Variants in SYDE2 observed in about 807,000 individuals in gnomAD.
SYDE2 encodes the protein rho GTPase-activating protein SYDE2.
SYDE2 carries 76 observed loss-of-function variants against 91.5 expected under a neutral mutation model. That is an observed-to-expected ratio of 0.83 (90% CI 0.69 to 1.01). The LOEUF is 1.01. SYDE2 is among the 50% of genes least tolerant of loss of function. SYDE2 has a pLI of 0.00. For missense variants in SYDE2, 1,364 were observed against 1,367.7 expected (o/e 1.00, Z 0.04); for synonymous variants, 513 against 506.4 (o/e 1.01, Z -0.18).
At chr1:85,171,510 T>C (rs1163985138) in intron 4 of SYDE2, among the ~76,000 whole-genome samples, 3 of 152,096 alleles carry the variant, frequency 2.0e-5, no homozygotes, top group Admixed American at 6.5e-5. Context: ...TAGATAAGAA[T>C]AGTGTTAAAT....
intron 6 of SYDE2, chr1:85,160,678 A>G: frequency 1.0e-6 from 1 of 985,126 alleles, no homozygotes; most frequent in Non-Finnish European, 1.2e-6. Flanking sequence ...TCTTTGTGCT[A>G]TTCCTTTTCT....
intron 2 of SYDE2, among the ~76,000 whole-genome samples, chr1:85,184,525 A>G (rs1395506189): frequency 6.6e-6 from 1 of 152,188 alleles, no homozygotes; most frequent in Non-Finnish European, 1.5e-5. Flanking sequence ...TAACAATGCA[A>G]GATGAAGATA....
At chr1:85,159,921 C>T (rs1571222406) in intron 6 of SYDE2, 9 of 984,140 alleles carry the variant, frequency 9.1e-6, no homozygotes, top group Non-Finnish European at 8.4e-6. Context: ...ATTTAACAAT[C>T]CCAAATAACA....
chr1:85,187,169 GAAA>G (rs1198589982), intron 2 of SYDE2, among the ~76,000 whole-genome samples: 1 of 151,878 alleles, frequency 6.6e-6, no homozygotes, highest in African/African-American at 2.4e-5. Flanking sequence ...AAATTTACAA[GAAA>G]AAAACAAACA....
chr1:85,182,878 A>G lies in SYDE2; in HGVS notation c.1764T>C (p.Val588=). 1 of 1,613,720 alleles carries G rather than the reference A, an allele frequency of 6.2e-7. No homozygotes were observed. Among genetic ancestry groups the G allele is most frequent in the Non-Finnish European group, 8.5e-7 (1 of 1,179,794 alleles). The part of the protein sequence containing the change: ...GNTTTAAKRN[V]ISRYHLDTSV... ...TGGTATCAAGATGGTATCGGCTTAT[A>G]ACATTCCTCTTAGCAGCGGTGGTTG... Residue 588 remains valine, a synonymous_variant, in exon 3 of 7, where the codon GTT becomes GTC. Coordinates refer to ENST00000341460, the MANE Select transcript of SYDE2 (RefSeq NM_032184.2).
At chr1:85,177,167 T>C (rs569232157) in intron 4 of SYDE2, among the ~76,000 whole-genome samples, 2 of 152,250 alleles carry the variant, frequency 1.3e-5, no homozygotes, top group Non-Finnish European at 2.9e-5. Flanking sequence ...CCCCCAAAGT[T>C]CTTTCTTTTC....
chr1:85,193,537 G>A (rs561487589), intron 1 of SYDE2, among the ~76,000 whole-genome samples: 1 of 152,158 alleles, frequency 6.6e-6, no homozygotes, highest in African/African-American at 2.4e-5. Flanking sequence ...AGGAACTACA[G>A]TGAGAAAAAT....
Position 85,200,957 on chromosome 1 carries a change from C to A in SYDE2, c.40G>T (p.Gly14Cys). 3 of 1,293,992 alleles carry A rather than the reference C, an allele frequency of 2.3e-6. No homozygotes were observed. Among genetic ancestry groups the A allele is most frequent in the Non-Finnish European group, 2.9e-6 (3 of 1,028,916 alleles). 80.2% of individuals were successfully genotyped at this position (1,293,992 alleles called of 1,614,324 possible). A position where few individuals can be genotyped will look rare whatever the true frequency, so the allele number is the denominator to read the frequency against. ...LPPDSGARRGGRGLADHSFPA... is the reference protein window; with the variant it reads ...LPPDSGARRGCRGLADHSFPA... ...AAGCTGTGATCCGCCAAGCCCCTGC[C>A]GCCCCGCCGCGCGCCCGAGTCAGGG... The change falls in exon 1 of 7, where the codon GGC (glycine) becomes TGC (cysteine). Residue 14 changes from glycine to cysteine, a missense_variant. By Grantham distance (159) the Gly-to-Cys change is radical. Transcript: ENST00000341460.
chr1:85,196,839 G>C lies in SYDE2; in HGVS notation c.745+3413C>G, dbSNP rs1489793730. On this transcript the variant is annotated intron_variant, in intron 1 of 6. Transcript: ENST00000341460. ...AAAAGTAGATGGGAATCAAGTCATA[G>C]TGTCAACTTCACTTTAAGATGGTTA... Among the ~76,000 whole-genome samples, 4 of 152,290 alleles carry C rather than the reference G, an allele frequency of 2.6e-5. No homozygotes were observed. The East Asian group carries it at 5.8e-4, about 22-fold the overall frequency.
chr1:85,186,110 G>A (rs1306886875), intron 2 of SYDE2, among the ~76,000 whole-genome samples: 18 of 151,872 alleles, frequency 1.2e-4, no homozygotes, highest in African/African-American at 1.7e-4. Context: ...ATTGATTTGC[G>A]TATATTGAAC....
chr1:85,184,075 A>G (rs904770987), intron 2 of SYDE2, among the ~76,000 whole-genome samples: 1 of 152,210 alleles, frequency 6.6e-6, no homozygotes, highest in Non-Finnish European at 1.5e-5. Flanking sequence ...AAATTAAACT[A>G]CAACTATACT....
rs1220642750 is a variant in SYDE2, at chr1:85,177,719, CT to C, written c.2671+426del. ...ACATAGAGTTGCCAGATTAATATTC[CT>C]GAAAATAATCTCTATGATATCACTC... is the stretch of plus-strand genomic sequence containing the variant. On this transcript the variant is annotated intron_variant, in intron 4 of 6. Coordinates refer to ENST00000341460, the MANE Select transcript of SYDE2 (RefSeq NM_032184.2). Among the ~76,000 whole-genome samples, 5 of 152,222 alleles carry C rather than the reference CT, an allele frequency of 3.3e-5. No individual in the cohort carries two copies. The East Asian group carries it at 7.7e-4, about 23-fold the overall frequency.
intron 6 of SYDE2, chr1:85,160,162 C>T (rs1657008451): frequency 3.0e-6 from 3 of 985,172 alleles, no homozygotes; most frequent in Middle Eastern, 5.2e-4. Flanking sequence ...GTGCCCCTTC[C>T]TATTTCCCTG....
intron 3 of SYDE2, among the ~76,000 whole-genome samples, chr1:85,178,821 T>G (rs895967348): frequency 6.7e-6 from 1 of 148,516 alleles, no homozygotes; most frequent in Non-Finnish European, 1.5e-5. Context: ...ACCTAGGGTG[T>G]TTTTTTTTTA....
chr1:85,155,767 GAATA>G (rs1221463121), downstream of SYDE2, among the ~76,000 whole-genome samples: 16 of 152,110 alleles, frequency 1.1e-4, no homozygotes, highest in South Asian at 2.1e-4. Context: ...GCAGTGTTTA[GAATA>G]AATATACAGT....
chr1:85,163,469 ATATATATATAT>A (rs1290025911), intron 6 of SYDE2, among the ~76,000 whole-genome samples: 6 of 137,798 alleles, frequency 4.4e-5, no homozygotes, highest in African/African-American at 1.7e-4. Flanking sequence ...ATATATATAT[ATATATATATAT>A]AACAAAAGAG....
intron 4 of SYDE2, among the ~76,000 whole-genome samples, chr1:85,173,756 A>G (rs1362221268): frequency 1.3e-5 from 2 of 152,240 alleles, no homozygotes; most frequent in Non-Finnish European, 2.9e-5. Flanking sequence ...ATGAGGAGTA[A>G]AATCAATGGA....
downstream of SYDE2, among the ~76,000 whole-genome samples, chr1:85,155,482 ATTTT>A (rs756289063): frequency 3.4e-4 from 51 of 148,844 alleles, no homozygotes; most frequent in South Asian, 1.0e-3. Context: ...CTATTGAAAG[ATTTT>A]TTTTAAAAAA....
chr1:85,185,646 T>C (rs1187488134), intron 2 of SYDE2, among the ~76,000 whole-genome samples: 3 of 152,238 alleles, frequency 2.0e-5, no homozygotes, highest in Non-Finnish European at 2.9e-5. Flanking sequence ...TGTACATTGA[T>C]TTTGTATCCT....
Sources: gnomAD v4.1 joint callset for allele counts (sites outside exome capture counted in the v4.1 genomes callset) on GRCh38, gnomAD v4.1.1 for gene constraint, MANE v1.5 for transcripts, NCBI Gene and HGNC (gene_info 2026-07-23, HGNC 2026-07-21) for gene names.